The following CCDC141 variants were observed in gnomAD, a reference collection of about 807,000 sequenced individuals.
CCDC141 encodes coiled-coil domain containing 141, also known as coiled-coil domain-containing protein 141.
A neutral mutation model predicts 181.0 loss-of-function variants in CCDC141; 168 were observed. The ratio of observed to expected loss-of-function variants is 0.93; its 90% CI spans 0.82 to 1.05. The LOEUF is 1.05. Among genes scored for constraint, CCDC141 ranks in the 50% least tolerant of loss-of-function variants. The probability of loss-of-function intolerance (pLI) is 0.00; values close to 1 mark genes in which losing one functional copy is unlikely to be tolerated. For synonymous variants in CCDC141, 666 were observed against 642.3 expected (o/e 1.04, Z -0.56); for missense variants, 1,902 against 1,788.5 (o/e 1.06, Z -1.14).
At chr2:178,982,072 C>A (rs1324255921) in intron 2 of CCDC141, among the ~76,000 whole-genome samples, 1 of 152,028 alleles carries the variant, frequency 6.6e-6, no homozygotes, top group Non-Finnish European at 1.5e-5. Flanking sequence ...TTGAAAGCCA[C>A]AATCTACCAA....
intron 12 of CCDC141, chr2:178,873,472 C>A (rs1303042237): frequency 6.6e-6 from 1 of 152,024 alleles, no homozygotes; most frequent in African/African-American, 2.4e-5. Context: ...ATAAAATTAT[C>A]TTTCACATAT....
chr2:178,995,835 T>C (rs13019215), intron 2 of CCDC141, among the ~76,000 whole-genome samples: 89,755 of 152,030 alleles, frequency 0.59, 28,215 homozygotes, highest in East Asian at 0.87. Context: ...AATAACTGGA[T>C]ATTTGATTCT....
At chr2:178,895,004 T>G (rs528037716) in intron 8 of CCDC141, among the ~76,000 whole-genome samples, 51 of 152,248 alleles carry the variant, frequency 3.3e-4, no homozygotes, top group Middle Eastern at 6.8e-3. Flanking sequence ...TTCTTTTTGG[T>G]AGTCCCCTGG....
intron 5 of CCDC141, among the ~76,000 whole-genome samples, chr2:178,957,450 C>T (rs193025012): frequency 4.6e-5 from 7 of 152,284 alleles, no homozygotes; most frequent in East Asian, 1.9e-4. Context: ...GCAACAGGAA[C>T]GCTCATTCAT....
chr2:178,944,207 T>G (rs868607064), intron 6 of CCDC141, among the ~76,000 whole-genome samples: 2 of 152,198 alleles, frequency 1.3e-5, no homozygotes, highest in African/African-American at 4.8e-5. Context: ...TTTTGATGCA[T>G]AAAATGGAGA....
intron 2 of CCDC141, among the ~76,000 whole-genome samples, chr2:178,994,793 A>G (rs532036811): frequency 5.9e-5 from 9 of 152,234 alleles, no homozygotes; most frequent in African/African-American, 1.7e-4. Flanking sequence ...AATTTCTTCC[A>G]CCATATGCCC....
At chr2:179,015,110 T>TATATTATAA (rs2042419963) in intron 2 of CCDC141, among the ~76,000 whole-genome samples, 1 of 26,170 alleles carries the variant, frequency 3.8e-5, no homozygotes, top group African/African-American at 7.4e-5. Context: ...ATATAATATA[T>TATATTATAA]ATATAATCAT....
chr2:178,863,163 G>A (rs1685695176), intron 17 of CCDC141, among the ~76,000 whole-genome samples: 1 of 152,110 alleles, frequency 6.6e-6, no homozygotes, highest in Admixed American at 6.5e-5. Context: ...TGATCCCCTG[G>A]AACACCCTGA....
At chr2:178,878,189 T>A (rs1558948731) in intron 11 of CCDC141, 46 bp from the exon 12 acceptor site, 3 of 1,373,032 alleles carry the variant, frequency 2.2e-6, no homozygotes, top group Non-Finnish European at 3.0e-6. Flanking sequence ...CACATTTTTT[T>A]AAAGAAAAAG....
Position 178,830,184 on chromosome 2 carries a change from T to C in CCDC141, c.*3989A>G, listed in dbSNP as rs1005002702. The C allele has an allele frequency of 6.6e-6, 1 of 152,242 alleles. No individual in the cohort carries two copies. The highest frequency in any genetic ancestry group is 2.4e-5 in the African/African-American group (1 of 41,468). 9.4% of individuals were successfully genotyped at this position (152,242 alleles called of 1,614,324 possible). A position where few individuals can be genotyped will look rare whatever the true frequency, so the allele number is the denominator to read the frequency against. On this transcript the variant is annotated 3_prime_UTR_variant, in exon 24 of 24. Coordinates refer to ENST00000443758, the MANE Select transcript of CCDC141 (RefSeq NM_173648.4). ...ATGATGATTTATGCCTAAGTACATA[T>C]GTTTTAAAATGTTGGAACACTTTAA...
intron 2 of CCDC141, among the ~76,000 whole-genome samples, chr2:179,019,331 A>AT (rs1417053778): frequency 5.3e-5 from 8 of 152,186 alleles, no homozygotes; most frequent in African/African-American, 1.9e-4. Context: ...ATAAAAAAAA[A>AT]GAAGACTCCC....
intron 8 of CCDC141, among the ~76,000 whole-genome samples, chr2:178,904,708 T>C (rs1687876689): frequency 6.6e-6 from 1 of 152,172 alleles, no homozygotes; most frequent in Non-Finnish European, 1.5e-5. Context: ...ACTTTCCTAC[T>C]GCATTCTCTC....
At chr2:178,969,286 A>G (rs921539679) in intron 4 of CCDC141, among the ~76,000 whole-genome samples, 16 of 152,108 alleles carry the variant, frequency 1.1e-4, no homozygotes, top group Admixed American at 6.5e-4. Flanking sequence ...AAAGCCTGGC[A>G]GAGACACAAC....
At chr2:178,980,275 C>T (rs62179078) in intron 2 of CCDC141, among the ~76,000 whole-genome samples, 10,668 of 152,040 alleles carry the variant, frequency 0.07, 473 homozygotes, top group Middle Eastern at 0.11. Flanking sequence ...CAGTGAAACG[C>T]CATCTCTACT....
chr2:179,034,430 T>C lies in CCDC141; in HGVS notation c.225+12854A>G, dbSNP rs1442769120. Among the ~76,000 whole-genome samples the C allele has an allele frequency of 2.6e-5, 4 of 152,174 alleles. No individual in the cohort carries two copies. In the East Asian group the frequency reaches 5.8e-4, roughly 22 times the overall value. On this transcript the variant is annotated intron_variant, in intron 2 of 23. Coordinates refer to ENST00000443758, the MANE Select transcript of CCDC141 (RefSeq NM_173648.4). ...TGAATACTTGGATGATGAAATAATC[T>C]GTACAACAAACCTCCATAACACAAG...
chr2:178,924,779 G>T (rs531099664), intron 6 of CCDC141, among the ~76,000 whole-genome samples: 56 of 152,258 alleles, frequency 3.7e-4, no homozygotes, highest in African/African-American at 1.3e-3. Flanking sequence ...GAAGAACTGT[G>T]ATTTAGCATT....
At chr2:178,838,361 T>C (rs895431222) in intron 22 of CCDC141, among the ~76,000 whole-genome samples, 1 of 152,332 alleles carries the variant, frequency 6.6e-6, no homozygotes, top group South Asian at 2.1e-4. Context: ...TTTTCATCTT[T>C]CCAATTGAAA....
intron 2 of CCDC141, among the ~76,000 whole-genome samples, chr2:178,985,627 A>G (rs2154381679): frequency 6.6e-6 from 1 of 152,232 alleles, no homozygotes; most frequent in East Asian, 1.9e-4. Context: ...AAAAATGATA[A>G]AGGGGATATC....
chr2:179,011,035 G>T (rs2042255557), intron 2 of CCDC141, among the ~76,000 whole-genome samples: 1 of 152,016 alleles, frequency 6.6e-6, no homozygotes, highest in South Asian at 2.1e-4. Context: ...GCACACACCT[G>T]TAATCCCAGC....
Sources: allele counts gnomAD v4.1 joint callset (sites outside exome capture counted in the v4.1 genomes callset), GRCh38; gene constraint gnomAD v4.1.1; transcripts MANE v1.5; gene names NCBI Gene and HGNC (gene_info 2026-07-23, HGNC 2026-07-21).